Variants in PRPF39 observed in about 807,000 individuals in gnomAD.
PRPF39 encodes pre-mRNA-processing factor 39.
Under a neutral mutation model 82.1 loss-of-function variants are expected in PRPF39, and 27 were observed. The ratio of observed to expected loss-of-function variants is 0.33; its 90% CI spans 0.24 to 0.45. PRPF39 has a LOEUF of 0.45. Among genes scored for constraint, PRPF39 ranks in the 20% least tolerant of loss-of-function variants. The pLI, the probability that PRPF39 is intolerant of heterozygous loss-of-function variation, is 1.00. For missense variants in PRPF39, 581 were observed against 796.9 expected (o/e 0.73, Z 3.26); for synonymous variants, 261 against 256.4 (o/e 1.02, Z -0.17).
Position 45,114,474 on chromosome 14 carries a change from C to T in PRPF39, c.1833-20C>T. 3 of 1,542,750 alleles carry T rather than the reference C, an allele frequency of 1.9e-6. No individual in the cohort carries two copies. The highest frequency in any genetic ancestry group is 2.6e-6 in the Non-Finnish European group (3 of 1,151,984). ...TACCTGTGGGAGTTTTGAAAGTTTC[C>T]ATTCTGACGTTTTATATAGATCAGA... On this transcript the variant is annotated intron_variant, in intron 12 of 13. Transcript: ENST00000355765.
At chr14:45,094,193 A>G (rs1165160539) in intron 1 of PRPF39, among the ~76,000 whole-genome samples, 2 of 152,098 alleles carry the variant, frequency 1.3e-5, no homozygotes, top group African/African-American at 4.8e-5. Flanking sequence ...TTTGAGAATA[A>G]TTCCTCATTT....
intron 4 of PRPF39, among the ~76,000 whole-genome samples, chr14:45,100,038 G>A (rs1021915398): frequency 3.9e-5 from 6 of 152,078 alleles, no homozygotes; most frequent in Admixed American, 6.6e-5. Context: ...GACCAGTCTG[G>A]CCAACATGGT....
chr14:45,087,574 T>TTTTGC lies in PRPF39; in HGVS notation c.-20+3329_-20+3330insCTTTG, dbSNP rs534208147. 6.1e-3 allele frequency among the ~76,000 whole-genome samples: 920 copies of TTTTGC among 150,586 alleles called. 9 individuals carry two copies. The highest frequency in any genetic ancestry group is 0.021 in the African/African-American group (880 of 41,112). Reference sequence around the variant, plus strand: ...TAGCCAGAAGACTGTTTTTTTTTTGTTTTGTTTTGTTTTTTTTGAGATGGA... The same window carrying TTTTGC: ...TAGCCAGAAGACTGTTTTTTTTTTGTTTTGCTTTGTTTTGTTTTTTTTGAGATGGA... On this transcript the variant is annotated intron_variant, in intron 1 of 13. Coordinates refer to ENST00000355765, the MANE Select transcript of PRPF39 (RefSeq NM_017922.4).
At chr14:45,100,533 TA>T (rs1009103465) in intron 4 of PRPF39, among the ~76,000 whole-genome samples, 2 of 152,248 alleles carry the variant, frequency 1.3e-5, no homozygotes, top group Admixed American at 1.3e-4. Context: ...TACCTTCTTC[TA>T]AACGTTCTGT....
At chr14:45,113,970 C>T (rs968837916) in intron 11 of PRPF39, among the ~76,000 whole-genome samples, 31 of 152,012 alleles carry the variant, frequency 2.0e-4, no homozygotes, top group South Asian at 4.1e-4. Context: ...GCAGACAAAT[C>T]GGAGATTCAA....
intron 5 of PRPF39, 76 bp from the exon 6 acceptor site, chr14:45,107,375 T>C: frequency 7.4e-6 from 8 of 1,081,212 alleles, no homozygotes; most frequent in South Asian, 1.7e-5. Context: ...TTTGAAAGAG[T>C]AGTATATAGT....
intron 13 of PRPF39, 120 bp from the exon 14 acceptor site, chr14:45,114,737 C>A: frequency 7.2e-7 from 1 of 1,397,294 alleles, no homozygotes; most frequent in Non-Finnish European, 9.8e-7. Flanking sequence ...TGGTTAAGTA[C>A]TAGAATTTTA....
At position 45,116,149 on chromosome 14, in the gene PRPF39, C is replaced by A; in HGVS notation, c.*1236C>A. Reference sequence around the variant, plus strand: ...CTAGTTGTGTAAATTTCTTCAAGGCCAAGTTTTATCATTGTTGCTAATATC... The same window carrying A: ...CTAGTTGTGTAAATTTCTTCAAGGCAAAGTTTTATCATTGTTGCTAATATC... On this transcript the variant is annotated 3_prime_UTR_variant, in exon 14 of 14. Transcript: ENST00000355765. The A allele has an allele frequency of 7.3e-7, 1 of 1,372,498 alleles. No individual in the cohort carries two copies. The highest frequency in any genetic ancestry group is 1.2e-5 in the South Asian group (1 of 83,360). The allele number at this position is 1,372,498 out of a possible 1,614,324, so 85.0% of individuals were successfully genotyped here. A position where few individuals can be genotyped will look rare whatever the true frequency, so the allele number is the denominator to read the frequency against.
chr14:45,091,316 T>A (rs1302229492), intron 1 of PRPF39, among the ~76,000 whole-genome samples: 2 of 152,138 alleles, frequency 1.3e-5, no homozygotes, highest in African/African-American at 4.8e-5. Flanking sequence ...AATTTTTAGA[T>A]TTTTTTGTAG....
intron 4 of PRPF39, among the ~76,000 whole-genome samples, chr14:45,098,274 T>G (rs2139047580): frequency 6.6e-6 from 1 of 152,084 alleles, no homozygotes; most frequent in East Asian, 1.9e-4. Flanking sequence ...AGTGAGACCT[T>G]GTCTCAAAAA....
intron 5 of PRPF39, among the ~76,000 whole-genome samples, chr14:45,107,240 A>G (rs544531412): frequency 6.6e-6 from 1 of 152,330 alleles, no homozygotes; most frequent in South Asian, 2.1e-4. Context: ...AAAGGTAGGA[A>G]GAAATTGAAG....
chr14:45,104,964 C>G (rs960824867), intron 5 of PRPF39, among the ~76,000 whole-genome samples: 1 of 152,200 alleles, frequency 6.6e-6, no homozygotes, highest in Non-Finnish European at 1.5e-5. Flanking sequence ...GATACCTAGT[C>G]TGTTATTTGT....
chr14:45,088,718 A>G (rs1017774720), intron 1 of PRPF39, among the ~76,000 whole-genome samples: 5 of 152,248 alleles, frequency 3.3e-5, no homozygotes, highest in Non-Finnish European at 7.3e-5. Flanking sequence ...ATAGCTAGTA[A>G]TTGAAGTTAT....
intron 11 of PRPF39, among the ~76,000 whole-genome samples, chr14:45,113,552 T>C (rs778439378): frequency 2.0e-5 from 3 of 152,210 alleles, no homozygotes; most frequent in Non-Finnish European, 4.4e-5. Context: ...CTGAAGAAGG[T>C]ACACAAAAGA....
Position 45,116,205 on chromosome 14 carries a change from A to G in PRPF39, c.*1292A>G, listed in dbSNP as rs772225856. ...AGCTGAAGCACTGCTATTTCAATCAATATCCACTAATTCCACTTCAAAAGT... is the reference window on the plus strand; with the variant it reads ...AGCTGAAGCACTGCTATTTCAATCAGTATCCACTAATTCCACTTCAAAAGT... On this transcript the variant is annotated 3_prime_UTR_variant, in exon 14 of 14. Coordinates refer to ENST00000355765, the MANE Select transcript of PRPF39 (RefSeq NM_017922.4). 6.2e-7 allele frequency: 1 copy of G among 1,610,384 alleles called. No individual in the cohort carries two copies. Among genetic ancestry groups the G allele is most frequent in the Non-Finnish European group, 8.5e-7 (1 of 1,176,756 alleles).
In PRPF39 at chr14:45,108,574, T is replaced by G. The variant is rs1594735429; in HGVS notation, c.1011+52T>G. On this transcript the variant is annotated intron_variant, in intron 7 of 13. Coordinates refer to ENST00000355765, the MANE Select transcript of PRPF39 (RefSeq NM_017922.4). Reference sequence around the variant, plus strand: ...TTTAAAATACAAAGTAGGAATAATTTATTTTTCTTTCAATTTTGATAGTAC... The same window carrying G: ...TTTAAAATACAAAGTAGGAATAATTGATTTTTCTTTCAATTTTGATAGTAC... 13 of 1,542,856 alleles carry G rather than the reference T, an allele frequency of 8.4e-6. No homozygotes were observed. The East Asian group carries it at 2.8e-4, about 34-fold the overall frequency.
chr14:45,099,298 GT>G (rs1481619444), intron 4 of PRPF39, among the ~76,000 whole-genome samples: 1 of 151,906 alleles, frequency 6.6e-6, no homozygotes, highest in Admixed American at 6.6e-5. Context: ...TTTCTCTGTT[GT>G]TTTTAATAGT....
intron 1 of PRPF39, among the ~76,000 whole-genome samples, chr14:45,084,719 G>A (rs1290561456): frequency 2.6e-5 from 4 of 152,104 alleles, no homozygotes; most frequent in African/African-American, 9.7e-5. Flanking sequence ...ACACTTTTGC[G>A]ACCCTAAGTC....
intron 1 of PRPF39, among the ~76,000 whole-genome samples, chr14:45,093,860 A>T (rs1247373073): frequency 1.3e-5 from 2 of 152,166 alleles, no homozygotes; most frequent in African/African-American, 4.8e-5. Flanking sequence ...CGGCCAAAGC[A>T]GTCTTTTTCT....
Sources: gnomAD v4.1 joint callset for allele counts (sites outside exome capture counted in the v4.1 genomes callset) on GRCh38, gnomAD v4.1.1 for gene constraint, MANE v1.5 for transcripts, NCBI Gene and HGNC (gene_info 2026-07-23, HGNC 2026-07-21) for gene names.